Variants in ALAD observed in about 807,000 individuals in gnomAD.
ALAD encodes delta-aminolevulinic acid dehydratase.
A neutral mutation model predicts 44.4 loss-of-function variants in ALAD; 20 were observed. The ratio of observed to expected loss-of-function variants is 0.45; its 90% confidence interval spans 0.32 to 0.65. The LOEUF (loss-of-function observed/expected upper bound fraction) is 0.65. Ranked by LOEUF, ALAD falls within the 30% of genes least tolerant of loss-of-function variation. The pLI is 0.05. For missense variants in ALAD, 323 were observed against 445.7 expected, an observed-to-expected ratio of 0.72 and a Z score of 2.48; for synonymous variants, 156 against 167.9, an observed-to-expected ratio of 0.93 and a Z score of 0.55.
chr9:113,390,636 G>A lies in ALAD; in HGVS notation c.438C>T (p.Ser146=). ...SENGAFRAEE[S]RQRLAEVALA... ...ATGCCACCTCAGCCAGCCGCTGGCG[G>A]CTCTCCTCAGCCCGGAATGCTCCGT... Residue 146 remains serine (S), a synonymous_variant, in exon 6 of 12, where the codon AGC becomes AGT. Coordinates refer to ENST00000409155, the MANE Select transcript of ALAD (RefSeq NM_000031.6). The A allele has an allele frequency of 1.2e-6, 2 of 1,614,136 alleles. No individual in the cohort carries two copies. Among genetic ancestry groups the A allele is most frequent in the Non-Finnish European group, 1.7e-6 (2 of 1,180,018 alleles).
rs562841092 is a variant in ALAD at position 113,388,136 on chromosome 9, A to C, written c.*164T>G. ...GATGCAGCTGCGAGTTACAAGAGTT[A>C]GCATGCTGGCAAAACCACCCAGGGC... On this transcript the variant is annotated 3_prime_UTR_variant, in exon 12 of 12. Coordinates refer to ENST00000409155, the MANE Select transcript of ALAD (RefSeq NM_000031.6). 5 of 721,692 alleles carry C rather than the reference A, an allele frequency of 6.9e-6. No individual in the cohort carries two copies. The highest frequency in any genetic ancestry group is 1.2e-5 in the Non-Finnish European group (5 of 405,484). 44.7% of individuals were successfully genotyped at this position (721,692 alleles called of 1,614,324 possible).
At position 113,389,474 on chromosome 9, in the gene ALAD, C is replaced by T. The variant is rs1588082387; in HGVS notation, c.765G>A (p.Met255Ile). The change falls in exon 10 of 12, where the codon ATG becomes ATA. Residue 255 changes from methionine to isoleucine, a missense_variant. By Grantham distance (10) the Met-to-Ile change is conservative. Coordinates refer to ENST00000409155, the MANE Select transcript of ALAD (RefSeq NM_000031.6). ...GADMLMVKPG[M>I]PYLDIVREVK... The stretch of plus-strand genomic sequence containing the variant: ...CCTCCCGCACGATGTCCAGGTAGGG[C>T]ATTCCCGGCTTCACCATGAGCATGT... The T allele has an allele frequency of 4.3e-6, 7 of 1,614,020 alleles. No individual in the cohort carries two copies. In the East Asian group the frequency reaches 1.1e-4, roughly 26 times the overall value.
At chr9:113,388,587 A>T (rs982208535) in intron 11 of ALAD, among the ~76,000 whole-genome samples, 11 of 152,204 alleles carry the variant, frequency 7.2e-5, no homozygotes, top group Non-Finnish European at 1.2e-4. Flanking sequence ...ACAGTGAAGG[A>T]AATAGGTAAG....
At chr9:113,397,098 G>A (rs1299144291) in intron 1 of ALAD, 1 of 152,222 alleles carries the variant, frequency 6.6e-6, no homozygotes, top group Non-Finnish European at 1.5e-5. Context: ...TTAACTCCCA[G>A]GTGAACTGGG....
rs1827431156 is a variant in ALAD, at chr9:113,387,546, A to G, written c.*754T>C. On this transcript the variant is annotated 3_prime_UTR_variant, in exon 12 of 12. Transcript: ENST00000409155. ...TTCTCTTTGTATAATTTCTATGAAG[A>G]GATAAGCTGAGGTCTGTCCTGCTGT... 1 of 152,270 alleles carries G rather than the reference A, an allele frequency of 6.6e-6. No individual in the cohort carries two copies. Among genetic ancestry groups the G allele is most frequent in the Non-Finnish European group, 1.5e-5 (1 of 68,106 alleles). The allele number at this position is 152,270 out of a possible 1,614,324, so 9.4% of individuals were successfully genotyped here.
intron 1 of ALAD, among the ~76,000 whole-genome samples, chr9:113,400,912 C>T (rs1465015770): frequency 6.6e-6 from 1 of 152,232 alleles, no homozygotes; most frequent in East Asian, 1.9e-4. Context: ...CTCCCTACCC[C>T]CCCACCAACC....
At chr9:113,396,431 G>A (rs1243276437) in intron 1 of ALAD, 1 of 152,094 alleles carries the variant, frequency 6.6e-6, no homozygotes. Context: ...GTTGAACTTG[G>A]TTTTGCAGGA....
intron 1 of ALAD, among the ~76,000 whole-genome samples, chr9:113,395,631 G>C (rs1012017965): frequency 7.9e-5 from 12 of 152,226 alleles, no homozygotes; most frequent in African/African-American, 2.9e-4. Context: ...GACCATGCCT[G>C]GCATTTTCAC....
In ALAD at chr9:113,388,185, G is replaced by T. The variant is rs1220121910; in HGVS notation, c.*115C>A. The T allele has an allele frequency of 4.4e-6, 5 of 1,132,102 alleles. No individual in the cohort carries two copies. Among genetic ancestry groups the T allele is most frequent in the African/African-American group, 3.1e-5 (2 of 65,316 alleles). The allele number at this position is 1,132,102 out of a possible 1,614,324, so 70.1% of individuals were successfully genotyped here. On this transcript the variant is annotated 3_prime_UTR_variant, in exon 12 of 12. Coordinates refer to ENST00000409155, the MANE Select transcript of ALAD (RefSeq NM_000031.6). ...GCTGCTGGGCCCCGCTAGCATGTGA[G>T]CAGGAAGAGGGCATGAGGGCACAGT...
At chr9:113,390,269 G>T in intron 7 of ALAD, 136 bp downstream of exon 7, 1 of 890,062 alleles carries the variant, frequency 1.1e-6, no homozygotes, top group Non-Finnish European at 1.8e-6. Context: ...TGATCTACCT[G>T]CCTCAGCCTC....
intron 2 of ALAD, 76 bp downstream of exon 2, chr9:113,393,371 G>T: frequency 7.3e-7 from 1 of 1,375,858 alleles, no homozygotes; most frequent in Non-Finnish European, 1.0e-6. Context: ...ACTGATGCCC[G>T]CTCCAGTCAA....
chr9:113,390,377 A>G, intron 7 of ALAD, 28 bp downstream of exon 7: 1 of 1,609,046 alleles, frequency 6.2e-7, no homozygotes, highest in Non-Finnish European at 8.5e-7. Flanking sequence ...ATCTCCTGCC[A>G]GCCCTGTGCT....
Position 113,393,508 on chromosome 9 carries a change from C to CA in ALAD, c.51_52insT (p.Ala18CysfsTer25). 1 of 1,613,806 alleles carries CA rather than the reference C, an allele frequency of 6.2e-7. No homozygotes were observed. Among genetic ancestry groups the CA allele is most frequent in the Non-Finnish European group, 8.5e-7 (1 of 1,179,926 alleles). Reference sequence around the variant, plus strand: ...AGGGTGGTGGTGGCTGTCTGCCAGGCCCGAAGTAGTGGGTGGAAGTAGCCG... The same window carrying CA: ...AGGGTGGTGGTGGCTGTCTGCCAGGCACCGAAGTAGTGGGTGGAAGTAGCCG... On this transcript the variant is annotated frameshift_variant, in exon 2 of 12. Coordinates refer to ENST00000409155, the MANE Select transcript of ALAD (RefSeq NM_000031.6). LOFTEE classifies it high-confidence loss of function.
rs1203283742 is a variant in ALAD at position 113,390,494 on chromosome 9, C to CT, written c.482-2dup. ...TCCGACGGGGCTACCACCTGACATC[C>CT]TGGGGGGCAGAGGGTGGCCTTCAGA... is the stretch of plus-strand genomic sequence containing the variant. On this transcript the variant is annotated splice_acceptor_variant, in intron 6 of 11. Coordinates refer to ENST00000409155, the MANE Select transcript of ALAD (RefSeq NM_000031.6). LOFTEE classifies it high-confidence loss of function. 6.2e-7 allele frequency: 1 copy of CT among 1,614,178 alleles called. No individual in the cohort carries two copies. The highest frequency in any genetic ancestry group is 1.7e-5 in the Admixed American group (1 of 60,022).
chr9:113,392,703 A>G (rs567119373), intron 2 of ALAD: 58 of 162,550 alleles, frequency 3.6e-4, no homozygotes, highest in African/African-American at 1.3e-3. Context: ...CTTCATACAA[A>G]TGCTCTCAGA....
At chr9:113,391,978 G>A (rs1360704342) in intron 3 of ALAD, 141 bp downstream of exon 3, 12 of 890,704 alleles carry the variant, frequency 1.3e-5, no homozygotes, top group African/African-American at 5.0e-5. Context: ...CTCTGGCCCC[G>A]GGGAAACCCT....
At chr9:113,393,389 T>C in intron 2 of ALAD, 58 bp downstream of exon 2, 1 of 1,271,496 alleles carries the variant, frequency 7.9e-7, no homozygotes, top group Non-Finnish European at 1.2e-6. Flanking sequence ...CAACACTCCC[T>C]CCCCAACCCC....
chr9:113,400,138 T>A (rs1324686145), intron 1 of ALAD, among the ~76,000 whole-genome samples: 1 of 151,860 alleles, frequency 6.6e-6, no homozygotes, highest in Non-Finnish European at 1.5e-5. Context: ...TGGCTAAGAG[T>A]CTTCTTAAAG....
intron 6 of ALAD, 50 bp from the exon 7 acceptor site, chr9:113,390,543 C>G (rs533605400): frequency 6.2e-7 from 1 of 1,613,790 alleles, no homozygotes; most frequent in Admixed American, 1.7e-5. Context: ...CCTAGCCACT[C>G]TGCCACCTCC....
Sources: gnomAD v4.1 joint callset for allele counts (sites outside exome capture counted in the v4.1 genomes callset) on GRCh38, gnomAD v4.1.1 for gene constraint, MANE v1.5 for transcripts, NCBI Gene and HGNC (gene_info 2026-07-23, HGNC 2026-07-21) for gene names.